CTNNA2: variants seen among roughly 807,000 people sequenced by gnomAD.
The protein encoded by CTNNA2 is catenin alpha 2, also known as catenin alpha-2.
Under a neutral mutation model 101.0 loss-of-function variants are expected in CTNNA2, and 42 were observed. The ratio of observed to expected loss-of-function variants is 0.42; its 90% CI spans 0.32 to 0.54. The LOEUF is 0.54. Ranked by LOEUF, CTNNA2 falls within the 20% of genes least tolerant of loss-of-function variation. The probability of loss-of-function intolerance (pLI) is 0.14; values close to 1 mark genes in which losing one functional copy is unlikely to be tolerated. For synonymous variants in CTNNA2, 450 were observed against 456.4 expected, an observed-to-expected ratio of 0.99 and a Z score of 0.18; for missense variants, 871 against 1,223.1, an observed-to-expected ratio of 0.71 and a Z score of 4.29.
Position 79,397,870 on chromosome 2 carries a change from A to T in CTNNA2, c.-135+23857A>T, listed in dbSNP as rs567905277. Among the ~76,000 whole-genome samples, 9 of 152,136 alleles carry T rather than the reference A, an allele frequency of 5.9e-5. No homozygotes were observed. In the South Asian group the frequency reaches 1.9e-3, roughly 32 times the overall value. On this transcript the variant is annotated intron_variant, in intron 4 of 21. Transcript: ENST00000466387. ...GAGACAGTGTCTCATTACGTTTCCC[A>T]GACTTCATGTATCTTCCTAATACCT...
At chr2:79,998,928 C>T (rs753169370) in intron 7 of CTNNA2, among the ~76,000 whole-genome samples, 4 of 152,166 alleles carry the variant, frequency 2.6e-5, no homozygotes, top group Non-Finnish European at 5.9e-5. Flanking sequence ...TGTAAGGAGT[C>T]CTGGTCCACG....
chr2:79,326,721 A>G (rs1401447251), intron 3 of CTNNA2, among the ~76,000 whole-genome samples: 1 of 152,232 alleles, frequency 6.6e-6, no homozygotes, highest in African/African-American at 2.4e-5. Context: ...AAAGCTGTAC[A>G]CTATAAGAGA....
At chr2:80,448,342 C>T (rs969257413) in intron 9 of CTNNA2, among the ~76,000 whole-genome samples, 12 of 152,178 alleles carry the variant, frequency 7.9e-5, no homozygotes, top group African/African-American at 2.4e-4. Context: ...TCACTCTTAG[C>T]GACAATCTCA....
intron 7 of CTNNA2, among the ~76,000 whole-genome samples, chr2:79,952,217 C>T (rs1291268945): frequency 2.0e-5 from 3 of 152,146 alleles, no homozygotes; most frequent in Non-Finnish European, 2.9e-5. Context: ...CTGATTGCTT[C>T]AGGCATGTCA....
chr2:80,214,874 C>T (rs1210383306), intron 7 of CTNNA2, among the ~76,000 whole-genome samples: 1 of 152,182 alleles, frequency 6.6e-6, no homozygotes, highest in Non-Finnish European at 1.5e-5. Context: ...GCTCCATTAT[C>T]CCCGTCATTT....
At chr2:79,764,688 G>A (rs1398013956) in intron 3 of CTNNA2, among the ~76,000 whole-genome samples, 1 of 152,170 alleles carries the variant, frequency 6.6e-6, no homozygotes, top group Admixed American at 6.5e-5. Flanking sequence ...GAGTGGTCCA[G>A]TAAAAAGGAA....
intron 7 of CTNNA2, among the ~76,000 whole-genome samples, chr2:80,154,067 T>C (rs570412398): frequency 1.3e-5 from 2 of 152,304 alleles, no homozygotes; most frequent in East Asian, 1.9e-4. Flanking sequence ...ACCTATGTAA[T>C]AGAATTGTAG....
At chr2:79,378,139 A>G (rs763750784) in intron 4 of CTNNA2, among the ~76,000 whole-genome samples, 1 of 152,242 alleles carries the variant, frequency 6.6e-6, no homozygotes, top group Admixed American at 6.5e-5. Flanking sequence ...TATGATGACT[A>G]TTGTATACAT....
At chr2:79,446,635 CGCTTATGTAATA>C (rs1678836442) in intron 4 of CTNNA2, among the ~76,000 whole-genome samples, 1 of 151,944 alleles carries the variant, frequency 6.6e-6, no homozygotes, top group African/African-American at 2.4e-5. Context: ...GTGTCTCCAA[CGCTTATGTAATA>C]TAATGTGCAA....
rs192695727 is a variant in CTNNA2 at position 80,528,646 on chromosome 2, G to A, written c.1291-16336G>A. 1.9e-3 allele frequency among the ~76,000 whole-genome samples: 293 copies of A among 152,008 alleles called. 3 individuals carry two copies. The Middle Eastern group carries it at 0.027, about 14-fold the overall frequency. On this transcript the variant is annotated intron_variant, in intron 9 of 18. Coordinates refer to ENST00000402739, the MANE Select transcript of CTNNA2 (RefSeq NM_001282597.3). ...TCAGGCATGATCATGAATCTCATGGGTTCTACCACATAGAAGGTGCAACCC... is the reference window on the plus strand; with the variant it reads ...TCAGGCATGATCATGAATCTCATGGATTCTACCACATAGAAGGTGCAACCC...
intron 9 of CTNNA2, among the ~76,000 whole-genome samples, chr2:80,444,138 C>T (rs566486213): frequency 1.9e-4 from 29 of 152,300 alleles, no homozygotes; most frequent in African/African-American, 6.0e-4. Flanking sequence ...TGGGATAGAT[C>T]AAATGGGCTC....
chr2:79,186,353 G>T (rs1304886923), intron 1 of CTNNA2, among the ~76,000 whole-genome samples: 1 of 152,106 alleles, frequency 6.6e-6, no homozygotes, highest in Non-Finnish European at 1.5e-5. Context: ...GGATAGAGGA[G>T]GTGACAAGGA....
intron 9 of CTNNA2, among the ~76,000 whole-genome samples, chr2:80,479,407 C>A (rs1202659679): frequency 6.6e-6 from 1 of 152,070 alleles, no homozygotes; most frequent in African/African-American, 2.4e-5. Flanking sequence ...AGGACAGCCT[C>A]CAGCAACAGA....
chr2:79,668,102 C>T (rs1012005740), intron 2 of CTNNA2, among the ~76,000 whole-genome samples: 51 of 150,616 alleles, frequency 3.4e-4, no homozygotes, highest in Non-Finnish European at 4.3e-4. Flanking sequence ...TAGCCGGGCG[C>T]GGTGGCGGGC....
chr2:79,979,429 G>A (rs970681954), intron 7 of CTNNA2, among the ~76,000 whole-genome samples: 1 of 152,076 alleles, frequency 6.6e-6, no homozygotes, highest in Non-Finnish European at 1.5e-5. Context: ...TGTGGAGTAT[G>A]AGATTTAGAA....
chr2:79,973,584 T>A (rs1690638182), intron 7 of CTNNA2, among the ~76,000 whole-genome samples: 1 of 152,104 alleles, frequency 6.6e-6, no homozygotes, highest in African/African-American at 2.4e-5. Flanking sequence ...GTAGAAAACA[T>A]ACTCCTAAGG....
intron 7 of CTNNA2, among the ~76,000 whole-genome samples, chr2:80,041,993 C>G (rs56145801): frequency 8.4e-4 from 128 of 152,250 alleles, no homozygotes; most frequent in African/African-American, 2.7e-3. Context: ...GAAACAGAGC[C>G]TTGCTCTATT....
At chr2:79,817,372 A>G (rs1182421967) in intron 3 of CTNNA2, among the ~76,000 whole-genome samples, 1 of 139,294 alleles carries the variant, frequency 7.2e-6, no homozygotes, top group Non-Finnish European at 1.5e-5. Flanking sequence ...CAGTGACTAA[A>G]TGTGGTCAGT....
intron 7 of CTNNA2, among the ~76,000 whole-genome samples, chr2:80,088,105 G>C (rs1699561067): frequency 6.6e-6 from 1 of 152,062 alleles, no homozygotes; most frequent in African/African-American, 2.4e-5. Flanking sequence ...ACCTCAGAAA[G>C]TGCCCCTAAG....
Sources: gnomAD v4.1 joint callset for allele counts (sites outside exome capture counted in the v4.1 genomes callset) on GRCh38, gnomAD v4.1.1 for gene constraint, MANE v1.5 for transcripts, NCBI Gene and HGNC (gene_info 2026-07-23, HGNC 2026-07-21) for gene names.